TMIE: variants seen among roughly 807,000 people sequenced by gnomAD.
The protein encoded by TMIE is transmembrane inner ear expressed protein.
In TMIE, 14 loss-of-function variants were observed where a neutral mutation model predicts 16.8. The ratio of observed to expected loss-of-function variants is 0.83; its 90% CI spans 0.55 to 1.30. The LOEUF (loss-of-function observed/expected upper bound fraction) is 1.30. Ranked by LOEUF, TMIE falls within the 50% of genes most tolerant of loss-of-function variation. The pLI, the probability that TMIE is intolerant of heterozygous loss-of-function variation, is 0.00. For synonymous variants in TMIE, 75 were observed against 87.2 expected (o/e 0.86, Z 0.78); for missense variants, 204 against 205.9 (o/e 0.99, Z 0.06).
intron 2 of TMIE, among the ~76,000 whole-genome samples, chr3:46,707,750 C>T (rs1001059427): frequency 8.5e-5 from 13 of 152,326 alleles, no homozygotes; most frequent in African/African-American, 3.1e-4. Context: ...CTCTGGCTGC[C>T]GTCAGTGGCC....
In TMIE at chr3:46,701,725, G is replaced by GC; in HGVS notation, c.93+149dup. 3.1e-6 allele frequency: 2 copies of GC among 652,670 alleles called. No homozygotes were observed. Among genetic ancestry groups the GC allele is most frequent in the Non-Finnish European group, 4.4e-6 (2 of 457,434 alleles). The allele number at this position is 652,670 out of a possible 1,614,324, so 40.4% of individuals were successfully genotyped here. On this transcript the variant is annotated intron_variant, in intron 1 of 3. Coordinates refer to ENST00000643606, the MANE Select transcript of TMIE (RefSeq NM_147196.3). The surrounding 1 kb of genome is among the most constrained non-coding windows in gnomAD (Gnocchi z 4.3). ...CCAGTCTCCCGGGCGATGCAGCCCT[G>GC]CCCCAAGCCCTGCCAGGCTGTGAGA...
intron 2 of TMIE, among the ~76,000 whole-genome samples, chr3:46,707,339 G>T (rs1263169058): frequency 6.6e-6 from 1 of 152,224 alleles, no homozygotes; most frequent in Non-Finnish European, 1.5e-5. Flanking sequence ...GCGGCACTTG[G>T]ACATCAACCA....
At chr3:46,699,011 A>G (rs1007372282), upstream of TMIE, among the ~76,000 whole-genome samples, 16 of 144,544 alleles carry the variant, frequency 1.1e-4, no homozygotes, top group East Asian at 6.0e-4. Context: ...AACTTTTACC[A>G]TCTTCAGAGG....
In TMIE at chr3:46,705,871, G is replaced by A. The variant is rs367626468; in HGVS notation, c.175G>A (p.Val59Met). Residue 59 changes from valine to methionine, a missense_variant, in exon 2 of 4, where the codon GTG (valine) becomes ATG (methionine). Val to Met is a conservative substitution (Grantham distance 21). Coordinates refer to ENST00000643606, the MANE Select transcript of TMIE (RefSeq NM_147196.3). Reference protein sequence around the residue: ...VVFWDMRLWHVVGIFSLFVLS... With the variant: ...VVFWDMRLWHMVGIFSLFVLS... ...GTTCTGGGACATGCGCCTGTGGCAC[G>A]TGGTGGGCATCTTTTCGCTCTTCGT... 21 of 1,614,154 alleles carry A rather than the reference G, an allele frequency of 1.3e-5. No homozygotes were observed. Among genetic ancestry groups the A allele is most frequent in the African/African-American group, 8.0e-5 (6 of 75,062 alleles).
chr3:46,697,979 G>C (rs1161540236), upstream of TMIE, among the ~76,000 whole-genome samples: 1 of 152,116 alleles, frequency 6.6e-6, no homozygotes, highest in Non-Finnish European at 1.5e-5. Flanking sequence ...TTTAATACTG[G>C]AGAATTGGAA....
At chr3:46,695,291 G>T (rs1700384506) in intron 1 of TMIE, among the ~76,000 whole-genome samples, 2 of 152,258 alleles carry the variant, frequency 1.3e-5, no homozygotes, top group African/African-American at 2.4e-5. Flanking sequence ...GTGGGAGGTA[G>T]CGGTACATTC....
intron 1 of TMIE, among the ~76,000 whole-genome samples, chr3:46,702,622 T>G (rs1575468183): frequency 3.3e-5 from 5 of 150,878 alleles, no homozygotes; most frequent in African/African-American, 9.8e-5. Context: ...CAGTGAGAGG[T>G]GCCCAGGGAA....
At chr3:46,703,175 AC>A (rs1700498627) in intron 1 of TMIE, among the ~76,000 whole-genome samples, 1 of 151,854 alleles carries the variant, frequency 6.6e-6, no homozygotes, top group Admixed American at 6.6e-5. Context: ...GGTCACCATC[AC>A]CCTCCATCAG....
upstream of TMIE, among the ~76,000 whole-genome samples, chr3:46,696,556 C>T (rs1194131722): frequency 2.0e-5 from 3 of 152,136 alleles, no homozygotes; most frequent in Admixed American, 6.5e-5. Flanking sequence ...GCTCCCACCC[C>T]CACCCTAGGC....
At chr3:46,695,132 C>A (rs1700378369) in intron 1 of TMIE, among the ~76,000 whole-genome samples, 1 of 152,160 alleles carries the variant, frequency 6.6e-6, no homozygotes, top group African/African-American at 2.4e-5. Flanking sequence ...TGTTGGCCTG[C>A]GGGACTGTCT....
chr3:46,705,289 C>G (rs1336765640), intron 1 of TMIE, among the ~76,000 whole-genome samples: 2 of 152,172 alleles, frequency 1.3e-5, no homozygotes, highest in East Asian at 3.8e-4. Context: ...GTAGGGTAGG[C>G]GACCAAAGGA....
intron 1 of TMIE, among the ~76,000 whole-genome samples, chr3:46,704,525 C>T (rs1000156454): frequency 2.3e-5 from 3 of 130,154 alleles, no homozygotes; most frequent in Non-Finnish European, 4.8e-5. Flanking sequence ...ACGCCCAGGG[C>T]AGGACCGTGT....
chr3:46,694,279 T>C (rs762816622), upstream of TMIE, among the ~76,000 whole-genome samples: 1 of 152,132 alleles, frequency 6.6e-6, no homozygotes, highest in African/African-American at 2.4e-5. Flanking sequence ...ACAGGCCTAG[T>C]AGAGCATGAA....
At chr3:46,708,529 C>G (rs1219810201) in intron 2 of TMIE, among the ~76,000 whole-genome samples, 4 of 152,280 alleles carry the variant, frequency 2.6e-5, no homozygotes. Context: ...GTGGGTGCAG[C>G]TGCCCTCAGC....
chr3:46,706,968 A>G (rs1336555338), intron 2 of TMIE, among the ~76,000 whole-genome samples: 1 of 152,222 alleles, frequency 6.6e-6, no homozygotes, highest in African/African-American at 2.4e-5. Flanking sequence ...AAGACGTGAC[A>G]TCTGATTTGC....
chr3:46,703,378 G>A (rs949828694), intron 1 of TMIE, among the ~76,000 whole-genome samples: 1 of 152,172 alleles, frequency 6.6e-6, no homozygotes, highest in Non-Finnish European at 1.5e-5. Context: ...CCTTGGCTCA[G>A]AACCTGAGAA....
chr3:46,708,911 G>A (rs996882217), intron 2 of TMIE, among the ~76,000 whole-genome samples: 1 of 152,216 alleles, frequency 6.6e-6, no homozygotes, highest in Non-Finnish European at 1.5e-5. Flanking sequence ...CAAGCACGGG[G>A]GCCTGTGCAG....
At chr3:46,696,421 C>A (rs541158198), upstream of TMIE, among the ~76,000 whole-genome samples, 13 of 152,332 alleles carry the variant, frequency 8.5e-5, no homozygotes, top group African/African-American at 3.1e-4. Flanking sequence ...CTCAAGCACA[C>A]GCAGGTCTGA....
At chr3:46,703,069 TA>T (rs1189991865) in intron 1 of TMIE, among the ~76,000 whole-genome samples, 6 of 152,272 alleles carry the variant, frequency 3.9e-5, no homozygotes, top group Middle Eastern at 3.4e-3. Context: ...GACATCTGCC[TA>T]CAGTCTGAGC....
Sources: gnomAD v4.1 joint callset for allele counts (sites outside exome capture counted in the v4.1 genomes callset) on GRCh38, gnomAD v4.1.1 for gene constraint, Gnocchi (gnomAD v3.1) non-coding constraint, MANE v1.5 for transcripts, NCBI Gene and HGNC (gene_info 2026-07-23, HGNC 2026-07-21) for gene names.